The following CPPED1 variants were observed in gnomAD, a reference collection of about 807,000 sequenced individuals.
The protein encoded by CPPED1 is calcineurin like phosphoesterase domain containing 1.
In CPPED1, 28 loss-of-function variants were observed where a neutral mutation model predicts 28.0. That is an observed-to-expected ratio of 1.00 (90% CI 0.74 to 1.37). CPPED1 has a LOEUF of 1.37. Ranked by LOEUF, CPPED1 falls within the 40% of genes most tolerant of loss-of-function variation. CPPED1 has a pLI of 0.00. For missense variants in CPPED1, 504 were observed against 416.5 expected, an observed-to-expected ratio of 1.21 and a Z score of -1.83; for synonymous variants, 198 against 180.2, an observed-to-expected ratio of 1.10 and a Z score of -0.79.
At chr16:12,771,977 G>A (rs183528408) in intron 2 of CPPED1, among the ~76,000 whole-genome samples, 1 of 152,206 alleles carries the variant, frequency 6.6e-6, no homozygotes, top group Non-Finnish European at 1.5e-5. Flanking sequence ...ACAAAAATTA[G>A]CTGGGCTTGG....
chr16:12,785,742 C>G (rs530449135), intron 1 of CPPED1, among the ~76,000 whole-genome samples: 2 of 151,600 alleles, frequency 1.3e-5, no homozygotes, highest in Non-Finnish European at 2.9e-5. Flanking sequence ...ATGAAAGTGA[C>G]CTCTTAACAA....
At chr16:12,695,726 T>C (rs6498352) in intron 3 of CPPED1, among the ~76,000 whole-genome samples, 60,488 of 152,026 alleles carry the variant, frequency 0.4, 17,006 homozygotes, top group African/African-American at 0.81. Flanking sequence ...AAATGCTGAG[T>C]TGTAACCCAT....
intron 2 of CPPED1, among the ~76,000 whole-genome samples, chr16:12,740,066 G>GA (rs1054119441): frequency 2.8e-5 from 4 of 145,316 alleles, no homozygotes; most frequent in Non-Finnish European, 1.5e-5. Flanking sequence ...AAGGAGAAAA[G>GA]AAAAAAAGAA....
intron 1 of CPPED1, among the ~76,000 whole-genome samples, chr16:12,785,749 A>ATTTAATG (rs565184928): frequency 1.5e-3 from 230 of 152,224 alleles, no homozygotes; most frequent in African/African-American, 5.2e-3. Flanking sequence ...TGACCTCTTA[A>ATTTAATG]CAATACTTGC....
At chr16:12,782,544 CTGT>C (rs1309624055) in intron 1 of CPPED1, among the ~76,000 whole-genome samples, 2 of 100,994 alleles carry the variant, frequency 2.0e-5, no homozygotes, top group Non-Finnish European at 4.0e-5. Context: ...CACCTTGAGG[CTGT>C]TTTTTTTTTT....
At position 12,664,381 on chromosome 16, in the gene CPPED1, C is replaced by T. The variant is rs1293551559; in HGVS notation, c.*505G>A. ...TCAAAATAAGTCTGCATGGCTCTCA[C>T]AACAAGGGAGACAGCTGTTCGTTCC... On this transcript the variant is annotated 3_prime_UTR_variant, in exon 4 of 4. Coordinates refer to ENST00000381774, the MANE Select transcript of CPPED1 (RefSeq NM_018340.3). The surrounding 1 kb of genome is among the most constrained non-coding windows in gnomAD (Gnocchi z 4.2). 2 of 1,001,726 alleles carry T rather than the reference C, an allele frequency of 2.0e-6. No individual in the cohort carries two copies. The highest frequency in any genetic ancestry group is 4.3e-5 in the South Asian group (1 of 23,312). The allele number at this position is 1,001,726 out of a possible 1,614,324, so 62.1% of individuals were successfully genotyped here.
chr16:12,726,456 C>A (rs1366572775), intron 2 of CPPED1, among the ~76,000 whole-genome samples: 1 of 151,466 alleles, frequency 6.6e-6, no homozygotes, highest in Non-Finnish European at 1.5e-5. Flanking sequence ...GATTCTCCTA[C>A]CTCAGCCTCC....
intron 2 of CPPED1, among the ~76,000 whole-genome samples, chr16:12,767,307 T>C (rs903885989): frequency 2.6e-5 from 4 of 152,156 alleles, no homozygotes; most frequent in Admixed American, 2.0e-4. Flanking sequence ...GGCAAATTCA[T>C]CTTTTCTCCA....
chr16:12,694,521 T>A (rs988620546), intron 3 of CPPED1, among the ~76,000 whole-genome samples: 3 of 152,156 alleles, frequency 2.0e-5, no homozygotes, highest in African/African-American at 7.2e-5. Flanking sequence ...TGGCAGTTAG[T>A]CTTTTATCTA....
chr16:12,678,559 T>G (rs2141170793), intron 3 of CPPED1, among the ~76,000 whole-genome samples: 1 of 152,356 alleles, frequency 6.6e-6, no homozygotes, highest in South Asian at 2.1e-4. Context: ...TTTACTCAGG[T>G]CTTTTAAAAT....
chr16:12,797,905 C>T (rs1461575239), intron 1 of CPPED1, among the ~76,000 whole-genome samples: 1 of 151,942 alleles, frequency 6.6e-6, no homozygotes, highest in Non-Finnish European at 1.5e-5. Context: ...CACAGTAAGA[C>T]CTTGTCTCTA....
chr16:12,761,719 T>TA (rs2080410811), intron 2 of CPPED1, among the ~76,000 whole-genome samples: 1 of 152,096 alleles, frequency 6.6e-6, no homozygotes, highest in South Asian at 2.1e-4. Context: ...ATGTTCTGGA[T>TA]AAAAAATGTG....
chr16:12,751,589 G>C (rs902796007), intron 2 of CPPED1, among the ~76,000 whole-genome samples: 13 of 152,150 alleles, frequency 8.5e-5, no homozygotes, highest in African/African-American at 2.9e-4. Flanking sequence ...GGAGCAGAAA[G>C]CTAGGAAGTC....
At chr16:12,702,432 G>A (rs2080025365) in intron 3 of CPPED1, among the ~76,000 whole-genome samples, 1 of 152,128 alleles carries the variant, frequency 6.6e-6, no homozygotes, top group African/African-American at 2.4e-5. Context: ...CAGGTTCTCA[G>A]AAGGTAGAGG....
chr16:12,731,366 AT>A (rs1409642396), intron 2 of CPPED1, among the ~76,000 whole-genome samples: 5 of 149,422 alleles, frequency 3.3e-5, no homozygotes, highest in Admixed American at 1.3e-4. Context: ...CATTAGAAAA[AT>A]TTTTTTTAAT....
At chr16:12,705,832 T>A (rs1183762360) in intron 2 of CPPED1, among the ~76,000 whole-genome samples, 1 of 152,232 alleles carries the variant, frequency 6.6e-6, no homozygotes, top group Non-Finnish European at 1.5e-5. Context: ...CACTGTTGAA[T>A]ACCAAGTTCC....
intron 2 of CPPED1, among the ~76,000 whole-genome samples, chr16:12,718,350 C>A (rs1293107828): frequency 6.6e-6 from 1 of 152,034 alleles, no homozygotes; most frequent in Admixed American, 6.6e-5. Context: ...ACCAGCTTGG[C>A]CAACATGGTG....
rs186002020 is a variant in CPPED1, at chr16:12,666,415, G to T, written c.716-1300C>A. ...GGAAAATAAAGCCTGGCTCCCTGCT[G>T]GAAGAAGGGCTGTTGTGGGTGCCTC... On this transcript the variant is annotated intron_variant, in intron 3 of 3. Coordinates refer to ENST00000381774, the MANE Select transcript of CPPED1 (RefSeq NM_018340.3). Among the ~76,000 whole-genome samples the T allele has an allele frequency of 2.6e-5, 4 of 152,356 alleles. No homozygotes were observed. The East Asian group carries it at 7.7e-4, about 29-fold the overall frequency.
chr16:12,764,203 AT>A (rs11354214), intron 2 of CPPED1, among the ~76,000 whole-genome samples: 103,454 of 146,736 alleles, frequency 0.71, 36,349 homozygotes, highest in Middle Eastern at 0.77. Context: ...TTTGATTTTA[AT>A]TTTTTTTTTT....
Sources: gnomAD v4.1 joint callset for allele counts (sites outside exome capture counted in the v4.1 genomes callset) on GRCh38, gnomAD v4.1.1 for gene constraint, Gnocchi (gnomAD v3.1) non-coding constraint, MANE v1.5 for transcripts, NCBI Gene and HGNC (gene_info 2026-07-23, HGNC 2026-07-21) for gene names.